Variants in KCNQ5 observed in about 807,000 individuals in gnomAD.
KCNQ5 encodes the protein potassium voltage-gated channel subfamily Q member 5.
In KCNQ5, 30 loss-of-function variants were observed where a neutral mutation model predicts 98.2. That is an observed-to-expected ratio of 0.31 (90% CI 0.23 to 0.41). KCNQ5 has a LOEUF of 0.41. Ranked by LOEUF, KCNQ5 falls within the 10% of genes least tolerant of loss-of-function variation. The pLI is 1.00. For missense variants in KCNQ5, 835 were observed against 1,182.5 expected (o/e 0.71, Z 4.31); for synonymous variants, 458 against 449.4 (o/e 1.02, Z -0.24).
At chr6:72,796,817 C>T (rs1283762766) in intron 1 of KCNQ5, among the ~76,000 whole-genome samples, 3 of 152,028 alleles carry the variant, frequency 2.0e-5, no homozygotes, top group African/African-American at 7.2e-5. Flanking sequence ...AATACTGATA[C>T]AAAAAATTCC....
In KCNQ5 at chr6:73,099,334, G is replaced by T. The variant is rs1389233747; in HGVS notation, c.919-5923G>T. 2.6e-5 allele frequency among the ~76,000 whole-genome samples: 4 copies of T among 152,018 alleles called. No homozygotes were observed. In the East Asian group the frequency reaches 7.7e-4, roughly 29 times the overall value. ...TCCATAATAACACTGAATATAAATG[G>T]ATTAAACTCTCCAATCAAAAGACAC... On this transcript the variant is annotated intron_variant, in intron 5 of 13. Coordinates refer to ENST00000370398, the MANE Select transcript of KCNQ5 (RefSeq NM_019842.4).
At chr6:73,000,209 A>G (rs965813961) in intron 1 of KCNQ5, among the ~76,000 whole-genome samples, 3 of 152,154 alleles carry the variant, frequency 2.0e-5, no homozygotes, top group Non-Finnish European at 4.4e-5. Context: ...GTCACTGCCA[A>G]TCAGCCCAAC....
chr6:72,745,209 T>C (rs1771321350), intron 1 of KCNQ5, among the ~76,000 whole-genome samples: 2 of 152,234 alleles, frequency 1.3e-5, no homozygotes, highest in Admixed American at 1.3e-4. Context: ...GAAATTGTGT[T>C]CTTTTCCATG....
intron 5 of KCNQ5, among the ~76,000 whole-genome samples, chr6:73,100,391 G>C (rs1451954847): frequency 6.6e-6 from 1 of 152,118 alleles, no homozygotes; most frequent in Non-Finnish European, 1.5e-5. Context: ...ACAAGGCCAG[G>C]CACTGTGGCT....
intron 1 of KCNQ5, among the ~76,000 whole-genome samples, chr6:72,853,453 C>T (rs1227200171): frequency 1.3e-5 from 2 of 152,114 alleles, no homozygotes; most frequent in African/African-American, 4.8e-5. Context: ...AAGCAATTCT[C>T]CTGTCTCAAC....
At chr6:72,899,326 A>T (rs1422284489) in intron 1 of KCNQ5, among the ~76,000 whole-genome samples, 1 of 152,116 alleles carries the variant, frequency 6.6e-6, no homozygotes, top group Non-Finnish European at 1.5e-5. Context: ...AGCAACCATC[A>T]TCCTTTCTTG....
At chr6:72,692,381 G>A (rs1048908680) in intron 1 of KCNQ5, among the ~76,000 whole-genome samples, 1 of 152,222 alleles carries the variant, frequency 6.6e-6, no homozygotes, top group African/African-American at 2.4e-5. Context: ...AGAAACATCT[G>A]CCTGCAGCAG....
At chr6:73,018,340 T>C (rs965543814) in intron 2 of KCNQ5, among the ~76,000 whole-genome samples, 7 of 152,146 alleles carry the variant, frequency 4.6e-5, no homozygotes, top group Middle Eastern at 6.8e-3. Flanking sequence ...CGCATACAAC[T>C]GGGTGAGGCA....
At chr6:73,190,254 G>A (rs1305812354) in intron 11 of KCNQ5, among the ~76,000 whole-genome samples, 1 of 152,108 alleles carries the variant, frequency 6.6e-6, no homozygotes, top group South Asian at 2.1e-4. Flanking sequence ...GACTTCTGGA[G>A]ATTGCATGGA....
intron 1 of KCNQ5, among the ~76,000 whole-genome samples, chr6:72,797,474 C>T (rs1328108609): frequency 1.4e-5 from 2 of 146,930 alleles, no homozygotes; most frequent in African/African-American, 5.1e-5. Context: ...CACTGCACCC[C>T]AGCCTGGGCA....
intron 1 of KCNQ5, among the ~76,000 whole-genome samples, chr6:72,793,001 T>A (rs1327783941): frequency 1.3e-5 from 2 of 152,186 alleles, no homozygotes; most frequent in Non-Finnish European, 2.9e-5. Flanking sequence ...GGGAGAGTTT[T>A]TTTATGGGTG....
chr6:72,654,982 C>T (rs1248318427), intron 1 of KCNQ5, among the ~76,000 whole-genome samples: 1 of 151,980 alleles, frequency 6.6e-6, no homozygotes, highest in African/African-American at 2.4e-5. Context: ...ATAAACACTG[C>T]TTACCTTCTT....
intron 1 of KCNQ5, among the ~76,000 whole-genome samples, chr6:72,794,367 A>C (rs1257764610): frequency 1.3e-5 from 2 of 152,170 alleles, no homozygotes; most frequent in Admixed American, 6.5e-5. Context: ...AAAATCCTAA[A>C]ACTGAGAGAT....
intron 1 of KCNQ5, among the ~76,000 whole-genome samples, chr6:72,799,183 A>G (rs1405177412): frequency 6.6e-6 from 1 of 152,146 alleles, no homozygotes; most frequent in Non-Finnish European, 1.5e-5. Flanking sequence ...ATCTGTAGGC[A>G]GGCCAGCAGA....
At chr6:73,187,252 G>A (rs1765401655) in intron 11 of KCNQ5, among the ~76,000 whole-genome samples, 1 of 151,912 alleles carries the variant, frequency 6.6e-6, no homozygotes, top group Non-Finnish European at 1.5e-5. Flanking sequence ...GTAGAGATGG[G>A]GTTTCACCGT....
intron 3 of KCNQ5, among the ~76,000 whole-genome samples, chr6:73,054,437 A>G (rs1477527734): frequency 1.3e-5 from 2 of 152,200 alleles, no homozygotes; most frequent in African/African-American, 4.8e-5. Flanking sequence ...AGATGCAAAA[A>G]TTCTCAATAA....
intron 1 of KCNQ5, among the ~76,000 whole-genome samples, chr6:72,933,146 T>C (rs1765763623): frequency 6.6e-6 from 1 of 152,164 alleles, no homozygotes. Context: ...TGGAGTATGA[T>C]AAATTAAAAT....
chr6:72,819,124 A>G (rs936252862), intron 1 of KCNQ5, among the ~76,000 whole-genome samples: 4 of 151,868 alleles, frequency 2.6e-5, no homozygotes, highest in Non-Finnish European at 5.9e-5. Flanking sequence ...CAGTTCGACA[A>G]TTTTATTTTT....
intron 1 of KCNQ5, among the ~76,000 whole-genome samples, chr6:72,983,639 T>G (rs1768586568): frequency 6.6e-6 from 1 of 152,070 alleles, no homozygotes; most frequent in Non-Finnish European, 1.5e-5. Context: ...GCTCGGAGAA[T>G]TTTGTTATTA....
Sources: gnomAD v4.1 joint callset for allele counts (sites outside exome capture counted in the v4.1 genomes callset) on GRCh38, gnomAD v4.1.1 for gene constraint, MANE v1.5 for transcripts, NCBI Gene and HGNC (gene_info 2026-07-23, HGNC 2026-07-21) for gene names.